DSE: variants seen among roughly 807,000 people sequenced by gnomAD.
DSE encodes the protein dermatan sulfate epimerase.
Under a neutral mutation model 84.4 loss-of-function variants are expected in DSE, and 36 were observed. That is an observed-to-expected ratio of 0.43 (90% CI 0.33 to 0.56). The LOEUF (loss-of-function observed/expected upper bound fraction) is 0.56, where lower values mean the gene tolerates loss of function less well. Ranked by LOEUF, DSE falls within the 20% of genes least tolerant of loss-of-function variation. The pLI is 0.06. For missense variants in DSE, 862 were observed against 1,169.6 expected (o/e 0.74, Z 3.84); for synonymous variants, 410 against 430.1 (o/e 0.95, Z 0.58).
chr6:116,299,500 ATT>A (rs60041450), intron 2 of DSE, among the ~76,000 whole-genome samples: 65,887 of 89,138 alleles, frequency 0.74, 22,446 homozygotes, highest in East Asian at 0.91. Flanking sequence ...TTCTTGAATT[ATT>A]TTTATATATA....
At chr6:116,372,385 G>T (rs1235320711) in intron 1 of DSE, among the ~76,000 whole-genome samples, 3 of 152,136 alleles carry the variant, frequency 2.0e-5, no homozygotes, top group Non-Finnish European at 4.4e-5. Flanking sequence ...GGAGAATGGC[G>T]TGAACCCAGG....
chr6:116,302,556 G>C lies in DSE; in HGVS notation c.-54+43589G>C, dbSNP rs531766568. ...CTGGATATTAGCCCTTTGTCAGATGGATAGATTGCAAACATTTTCTCTCAT... is the reference window on the plus strand; with the variant it reads ...CTGGATATTAGCCCTTTGTCAGATGCATAGATTGCAAACATTTTCTCTCAT... On this transcript the variant is annotated intron_variant, in intron 2 of 3. Transcript: ENST00000430252. 3.3e-5 allele frequency among the ~76,000 whole-genome samples: 5 copies of C among 152,174 alleles called. No homozygotes were observed. In the South Asian group the frequency reaches 1.0e-3, roughly 32 times the overall value.
At chr6:116,408,053 C>T (rs1218520150) in intron 2 of DSE, among the ~76,000 whole-genome samples, 1 of 152,178 alleles carries the variant, frequency 6.6e-6, no homozygotes, top group African/African-American at 2.4e-5. Flanking sequence ...CTGTATGATC[C>T]ACCTTAACTT....
chr6:116,436,053 G>C lies in DSE; in HGVS notation c.1585G>C (p.Glu529Gln). ...ASCQGRVVAA[E>Q]EKNGVVFIRG... The stretch of plus-strand genomic sequence containing the variant: ...TTGTCAGGGGAGGGTGGTTGCAGCA[G>C]AGGAGAAAAATGGGGTGGTTTTCAT... The change falls in exon 6 of 6, where the codon GAG becomes CAG. Residue 529 changes from glutamate (E) to glutamine (Q), a missense_variant. Glu to Gln is a conservative substitution (Grantham distance 29). Transcript: ENST00000644252. The C allele has an allele frequency of 6.2e-7, 1 of 1,614,062 alleles. No individual in the cohort carries two copies. Among genetic ancestry groups the C allele is most frequent in the Non-Finnish European group, 8.5e-7 (1 of 1,180,026 alleles).
intron 2 of DSE, among the ~76,000 whole-genome samples, chr6:116,308,945 C>G (rs1775506336): frequency 6.6e-6 from 1 of 152,052 alleles, no homozygotes; most frequent in African/African-American, 2.4e-5. Flanking sequence ...GTTACCGTGC[C>G]TTGAGCATAA....
intron 2 of DSE, among the ~76,000 whole-genome samples, chr6:116,336,145 A>C (rs1482273982): frequency 6.6e-6 from 1 of 152,272 alleles, no homozygotes; most frequent in African/African-American, 2.4e-5. Flanking sequence ...TTTTGACTAC[A>C]TTTAATGTAA....
intron 2 of DSE, chr6:116,279,739 T>A (rs531162295): frequency 6.2e-7 from 1 of 1,611,952 alleles, no homozygotes; most frequent in South Asian, 1.1e-5. Flanking sequence ...CAGGTACTGG[T>A]GTGCGTCCTG....
chr6:116,397,551 G>A (rs188903986), intron 1 of DSE, among the ~76,000 whole-genome samples: 3 of 152,066 alleles, frequency 2.0e-5, no homozygotes, highest in Admixed American at 1.3e-4. Flanking sequence ...CCCCTGGGGG[G>A]ACTGAGCATT....
At chr6:116,383,304 G>A (rs562304976) in intron 1 of DSE, among the ~76,000 whole-genome samples, 1 of 152,224 alleles carries the variant, frequency 6.6e-6, no homozygotes, top group South Asian at 2.1e-4. Context: ...CATTAGGTTT[G>A]ATCAAAAGAG....
At chr6:116,394,526 C>A (rs916865803) in intron 1 of DSE, among the ~76,000 whole-genome samples, 1 of 151,992 alleles carries the variant, frequency 6.6e-6, no homozygotes, top group Non-Finnish European at 1.5e-5. Context: ...GCGTCGAACT[C>A]CTGAGCTCAA....
At chr6:116,291,398 A>G (rs1582954252) in intron 2 of DSE, among the ~76,000 whole-genome samples, 1 of 151,904 alleles carries the variant, frequency 6.6e-6, no homozygotes, top group South Asian at 2.1e-4. Context: ...AATAAGAGAG[A>G]GGGGGTGAAA....
In DSE at chr6:116,437,456, A is replaced by G. The variant is rs1784259275; in HGVS notation, c.*111A>G. On this transcript the variant is annotated 3_prime_UTR_variant, in exon 6 of 6. Transcript: ENST00000644252. ...TTTTTTCCCTCAGATTCATTTTAAC[A>G]AATTAAGGGAAGATATTTTGACACA... 2.0e-6 allele frequency: 2 copies of G among 1,001,480 alleles called. No homozygotes were observed. Among genetic ancestry groups the G allele is most frequent in the African/African-American group, 3.3e-5 (2 of 60,558 alleles). 62.0% of individuals were successfully genotyped at this position (1,001,480 alleles called of 1,614,324 possible). A position where few individuals can be genotyped will look rare whatever the true frequency, so the allele number is the denominator to read the frequency against.
At chr6:116,303,977 T>C (rs1775191395) in intron 2 of DSE, among the ~76,000 whole-genome samples, 1 of 151,124 alleles carries the variant, frequency 6.6e-6, no homozygotes, top group Admixed American at 6.6e-5. Context: ...GTACTAAAAA[T>C]ACAAAAAAAC....
intron 2 of DSE, among the ~76,000 whole-genome samples, chr6:116,313,251 C>G (rs1485551581): frequency 6.6e-6 from 1 of 152,180 alleles, no homozygotes; most frequent in Non-Finnish European, 1.5e-5. Flanking sequence ...AGGAGCATGG[C>G]CCTGCCAATA....
chr6:116,380,120 TG>T (rs1181233331), intron 1 of DSE, among the ~76,000 whole-genome samples: 1 of 152,186 alleles, frequency 6.6e-6, no homozygotes, highest in African/African-American at 2.4e-5. Flanking sequence ...TGGGAATGAA[TG>T]TTTTAATATA....
chr6:116,367,395 T>G (rs1481810007), upstream of DSE, among the ~76,000 whole-genome samples: 1 of 152,206 alleles, frequency 6.6e-6, no homozygotes, highest in Non-Finnish European at 1.5e-5. Context: ...TGTATAGTCA[T>G]GGACCAGACT....
intron 2 of DSE, among the ~76,000 whole-genome samples, chr6:116,265,755 A>T (rs7765541): frequency 6.6e-6 from 1 of 151,932 alleles, no homozygotes; most frequent in East Asian, 1.9e-4. Context: ...AGTCTGATGG[A>T]CAAGACCACT....
intron 2 of DSE, among the ~76,000 whole-genome samples, chr6:116,274,929 T>C (rs1733831765): frequency 6.6e-6 from 1 of 152,240 alleles, no homozygotes; most frequent in Non-Finnish European, 1.5e-5. Flanking sequence ...AGTCGAGACA[T>C]GCTGTCCTAT....
chr6:116,426,824 C>A lies in DSE; in HGVS notation c.667C>A (p.Gln223Lys). Reference protein sequence around the residue: ...LLTGSLVLMNQGYLQEAYLWT... With the variant: ...LLTGSLVLMNKGYLQEAYLWT... ...CACGGGAAGCCTAGTCCTGATGAATCAAGGTGGGTGTGGACACAGCCAAGG... is the reference window on the plus strand; with the variant it reads ...CACGGGAAGCCTAGTCCTGATGAATAAAGGTGGGTGTGGACACAGCCAAGG... Residue 223 changes from glutamine (Q) to lysine (K), a missense_variant, in exon 3 of 6, where the codon CAA becomes AAA. Around this residue, in one of 4 missense-constraint regions of DSE, gnomAD observed 309 missense variants for 516.9 expected, o/e 0.60. Coordinates refer to ENST00000644252, the MANE Select transcript of DSE (RefSeq NM_013352.4). 6.2e-7 allele frequency: 1 copy of A among 1,609,718 alleles called. No homozygotes were observed. Among genetic ancestry groups the A allele is most frequent in the South Asian group, 1.1e-5 (1 of 90,970 alleles).
Sources: gnomAD v4.1 joint callset for allele counts (sites outside exome capture counted in the v4.1 genomes callset) on GRCh38, gnomAD v4.1.1 for gene constraint, gnomAD v4.1.1 regional missense constraint, MANE v1.5 for transcripts, NCBI Gene and HGNC (gene_info 2026-07-23, HGNC 2026-07-21) for gene names.